PLCB1: variants seen among roughly 807,000 people sequenced by gnomAD.
The protein encoded by PLCB1 is phospholipase C beta 1, also known as 1-phosphatidylinositol 4,5-bisphosphate phosphodiesterase beta-1.
PLCB1 carries 46 observed loss-of-function variants against 161.8 expected under a neutral mutation model. The ratio of observed to expected loss-of-function variants is 0.28; its 90% CI spans 0.22 to 0.36. The LOEUF is 0.36. Among genes scored for constraint, PLCB1 ranks in the 10% least tolerant of loss-of-function variants. The pLI, the probability that PLCB1 is intolerant of heterozygous loss-of-function variation, is 1.00. For synonymous variants in PLCB1, 517 were observed against 503.7 expected (o/e 1.03, Z -0.35); for missense variants, 1,016 against 1,472.5 (o/e 0.69, Z 5.07).
chr20:8,315,689 G>C (rs1984612138), intron 2 of PLCB1, among the ~76,000 whole-genome samples: 1 of 152,066 alleles, frequency 6.6e-6, no homozygotes, highest in Non-Finnish European at 1.5e-5. Context: ...CTTTCATTAA[G>C]TTTCTTGTGT....
intron 1 of PLCB1, among the ~76,000 whole-genome samples, chr20:8,141,041 C>T (rs2051397666): frequency 6.6e-6 from 1 of 152,114 alleles, no homozygotes; most frequent in South Asian, 2.1e-4. Context: ...CATGATCCAC[C>T]CGCCTCAGCC....
chr20:8,758,399 G>A (rs1196007923), intron 24 of PLCB1, among the ~76,000 whole-genome samples: 1 of 151,902 alleles, frequency 6.6e-6, no homozygotes, highest in East Asian at 1.9e-4. Flanking sequence ...TGGCCAACAT[G>A]GTGAAACCCC....
chr20:8,564,055 A>G (rs1986241615), intron 3 of PLCB1, among the ~76,000 whole-genome samples: 1 of 152,210 alleles, frequency 6.6e-6, no homozygotes. Flanking sequence ...CTAAGCAAAA[A>G]GAACAAAGCT....
chr20:8,500,185 A>G (rs1424765364), intron 3 of PLCB1, among the ~76,000 whole-genome samples: 1 of 152,244 alleles, frequency 6.6e-6, no homozygotes, highest in Non-Finnish European at 1.5e-5. Flanking sequence ...CTATCAAATC[A>G]GTCCATGAGG....
At chr20:8,702,197 G>C (rs1332054285) in intron 11 of PLCB1, among the ~76,000 whole-genome samples, 5 of 152,078 alleles carry the variant, frequency 3.3e-5, no homozygotes, top group Non-Finnish European at 5.9e-5. Context: ...TTGTAGTCTG[G>C]CTTTATTATT....
chr20:8,143,935 T>C (rs1387988699), intron 1 of PLCB1, among the ~76,000 whole-genome samples: 1 of 152,188 alleles, frequency 6.6e-6, no homozygotes, highest in African/African-American at 2.4e-5. Flanking sequence ...TTATACGATA[T>C]TTAGCAGTAT....
intron 3 of PLCB1, among the ~76,000 whole-genome samples, chr20:8,484,461 A>G (rs1982637741): frequency 6.6e-6 from 1 of 151,326 alleles, no homozygotes. Context: ...TCCTGGGTTC[A>G]AGTGTTCTCC....
At chr20:8,224,274 A>T (rs1272717450) in intron 2 of PLCB1, among the ~76,000 whole-genome samples, 1 of 152,180 alleles carries the variant, frequency 6.6e-6, no homozygotes, top group Admixed American at 6.6e-5. Flanking sequence ...ATAAATTAAA[A>T]ATGATCGTAT....
Position 8,740,362 on chromosome 20 carries a change from T to C in PLCB1, c.2327T>C (p.Leu776Pro). The C allele has an allele frequency of 6.2e-7, 1 of 1,603,286 alleles. No individual in the cohort carries two copies. Among genetic ancestry groups the C allele is most frequent in the Non-Finnish European group, 8.5e-7 (1 of 1,172,734 alleles). Reference sequence around the variant, plus strand: ...CTTCCAGGCTATCACTATATCTGTCTAAGGAATGAAAGGAACCAGCCTCTG... The same window carrying C: ...CTTCCAGGCTATCACTATATCTGTCCAAGGAATGAAAGGAACCAGCCTCTG... ...AIRPGYHYICLRNERNQPLTL... is the reference protein window; with the variant it reads ...AIRPGYHYICPRNERNQPLTL... The change falls in exon 22 of 32, where the codon CTA becomes CCA. Residue 776 changes from leucine (L) to proline (P), a missense_variant. Leu to Pro is a moderately conservative substitution (Grantham distance 98). Coordinates refer to ENST00000338037, the MANE Select transcript of PLCB1 (RefSeq NM_015192.4).
chr20:8,317,909 C>CT (rs1158371614), intron 2 of PLCB1, among the ~76,000 whole-genome samples: 2 of 151,506 alleles, frequency 1.3e-5, no homozygotes, highest in East Asian at 3.9e-4. Flanking sequence ...TTGAAACTCT[C>CT]TTTTTTTAAA....
rs145345498 is a variant in PLCB1 at position 8,514,590 on chromosome 20, G to C, written c.247-113704G>C. Among the ~76,000 whole-genome samples, 640 of 152,066 alleles carry C rather than the reference G, an allele frequency of 4.2e-3. 5 individuals carry two copies. Among genetic ancestry groups the C allele is most frequent in the African/African-American group, 0.013 (558 of 41,504 alleles). On this transcript the variant is annotated intron_variant, in intron 3 of 31. Transcript: ENST00000338037. ...CTACTCAGAGGCTGAGAAGAAAACA[G>C]ATTATCTACCGTAATAAAGCAAGAA...
At chr20:8,435,133 C>T (rs1980239751) in intron 3 of PLCB1, among the ~76,000 whole-genome samples, 1 of 152,202 alleles carries the variant, frequency 6.6e-6, no homozygotes, top group Non-Finnish European at 1.5e-5. Flanking sequence ...ACAAGCTCCC[C>T]AGTGGCATGA....
rs148494005 is a variant in PLCB1, at chr20:8,741,061, C to A, written c.2414-403C>A. On this transcript the variant is annotated intron_variant, in intron 22 of 31. Coordinates refer to ENST00000338037, the MANE Select transcript of PLCB1 (RefSeq NM_015192.4). ...ATGTAAAATGTCTCCATTTATGAAA[C>A]GTCATTTGGGCCAAATAGGACAATT... Among the ~76,000 whole-genome samples the A allele has an allele frequency of 7.2e-5, 11 of 152,266 alleles. 1 individual carries two copies. The East Asian group carries it at 2.1e-3, about 29-fold the overall frequency.
At chr20:8,555,839 T>C (rs1360628176) in intron 3 of PLCB1, among the ~76,000 whole-genome samples, 3 of 152,078 alleles carry the variant, frequency 2.0e-5, no homozygotes, top group Admixed American at 1.3e-4. Context: ...TAATCAGTCA[T>C]TGACAACTTA....
intron 31 of PLCB1, among the ~76,000 whole-genome samples, chr20:8,869,111 A>G (rs1987526307): frequency 1.3e-5 from 2 of 152,234 alleles, no homozygotes; most frequent in African/African-American, 4.8e-5. Flanking sequence ...CAGGATCTTC[A>G]AAGACTTAGA....
chr20:8,306,346 A>G (rs1024627460), intron 2 of PLCB1: 3 of 152,232 alleles, frequency 2.0e-5, no homozygotes, highest in Admixed American at 6.5e-5. Context: ...TCCTGGAGAC[A>G]TTTAGAAGTG....
chr20:8,412,020 G>A (rs922192491), intron 3 of PLCB1, among the ~76,000 whole-genome samples: 10 of 150,956 alleles, frequency 6.6e-5, no homozygotes, highest in African/African-American at 1.9e-4. Context: ...CAAAGACTCC[G>A]TCTCAGAAAA....
At chr20:8,831,515 C>G (rs1643475327) in intron 31 of PLCB1, 1 of 152,168 alleles carries the variant, frequency 6.6e-6, no homozygotes, top group African/African-American at 2.4e-5. Flanking sequence ...TCACTAAGAC[C>G]TCAGGCCATA....
At chr20:8,864,631 G>A (rs1987364830) in intron 31 of PLCB1, among the ~76,000 whole-genome samples, 1 of 152,164 alleles carries the variant, frequency 6.6e-6, no homozygotes, top group African/African-American at 2.4e-5. Context: ...TGAATCAGTG[G>A]TATTGGCCAT....
Sources: gnomAD v4.1 joint callset for allele counts (sites outside exome capture counted in the v4.1 genomes callset) on GRCh38, gnomAD v4.1.1 for gene constraint, MANE v1.5 for transcripts, NCBI Gene and HGNC (gene_info 2026-07-23, HGNC 2026-07-21) for gene names.